Variants in BAIAP2 observed in about 807,000 individuals in gnomAD.
BAIAP2 encodes the protein BAR/IMD domain-containing adapter protein 2.
A neutral mutation model predicts 63.0 loss-of-function variants in BAIAP2; 18 were observed. The observed-to-expected ratio is 0.29, with a 90% CI of 0.20 to 0.42. The LOEUF (loss-of-function observed/expected upper bound fraction) is 0.42. Ranked by LOEUF, BAIAP2 falls within the 10% of genes least tolerant of loss-of-function variation. The probability of loss-of-function intolerance (pLI) is 1.00; values close to 1 mark genes in which losing one functional copy is unlikely to be tolerated. For missense variants in BAIAP2, 610 were observed against 734.3 expected, an observed-to-expected ratio of 0.83 and a Z score of 1.96; for synonymous variants, 386 against 307.6, an observed-to-expected ratio of 1.25 and a Z score of -2.67.
intron 3 of BAIAP2, among the ~76,000 whole-genome samples, chr17:81,077,967 C>T (rs1337392448): frequency 7.5e-5 from 11 of 146,696 alleles, no homozygotes; most frequent in African/African-American, 2.8e-4. Context: ...GGGTGGGAGC[C>T]GGACGCTGTG....
chr17:81,108,527 C>T lies in BAIAP2; in HGVS notation c.1535+18C>T, dbSNP rs770079243. 6 of 1,613,752 alleles carry T rather than the reference C, an allele frequency of 3.7e-6. No individual in the cohort carries two copies. In the African/African-American group the frequency reaches 5.3e-5, roughly 14 times the overall value. ...ATGAGCAGGTAAGGGGACTTTCAGA[C>T]CTGTCTTTGGGACCGTGGGTGGGTG... On this transcript the variant is annotated intron_variant, in intron 13 of 13. Coordinates refer to ENST00000428708, the MANE Select transcript of BAIAP2 (RefSeq NM_001144888.2).
chr17:81,116,501 C>T lies in BAIAP2; in HGVS notation c.*662C>T, dbSNP rs1159849877. 3 of 712,884 alleles carry T rather than the reference C, an allele frequency of 4.2e-6. No individual in the cohort carries two copies. Among genetic ancestry groups the T allele is most frequent in the East Asian group, 2.8e-5 (1 of 36,024 alleles). 44.2% of individuals were successfully genotyped at this position (712,884 alleles called of 1,614,324 possible). On this transcript the variant is annotated 3_prime_UTR_variant, in exon 14 of 14. Transcript: ENST00000428708. The stretch of plus-strand genomic sequence containing the variant: ...TCCTTACCCAACCTCCCATCCAGAA[C>T]CTTGCTGCCAGGGCCTCCCAGCTCG...
intron 6 of BAIAP2, among the ~76,000 whole-genome samples, chr17:81,088,756 G>A (rs773457588): frequency 6.6e-6 from 1 of 152,244 alleles, no homozygotes; most frequent in South Asian, 2.1e-4. Context: ...TGTGGGTACC[G>A]GAGGCTCCAT....
At chr17:81,047,078 C>G (rs1411865331) in intron 1 of BAIAP2, among the ~76,000 whole-genome samples, 1 of 152,264 alleles carries the variant, frequency 6.6e-6, no homozygotes, top group East Asian at 1.9e-4. Context: ...GGCCCCTCCC[C>G]TCAACAGTCA....
chr17:81,075,492 G>A (rs540039537), intron 3 of BAIAP2, among the ~76,000 whole-genome samples: 1 of 152,306 alleles, frequency 6.6e-6, no homozygotes, highest in African/African-American at 2.4e-5. Context: ...CTTGCATGCC[G>A]TGCTGTCTTC....
chr17:81,059,963 G>A (rs1173787511), intron 3 of BAIAP2, among the ~76,000 whole-genome samples: 1 of 152,188 alleles, frequency 6.6e-6, no homozygotes, highest in Non-Finnish European at 1.5e-5. Context: ...AAGGCGCTGA[G>A]CCCACATGGG....
chr17:81,038,897 GGGT>G (rs201150492), intron 1 of BAIAP2, among the ~76,000 whole-genome samples: 8,918 of 148,704 alleles, frequency 0.06, 346 homozygotes, highest in Admixed American at 0.12. Flanking sequence ...TCGCCTTCCT[GGGT>G]GGGGGGGGCA....
At chr17:81,087,382 CGT>C (rs1461118243) in intron 6 of BAIAP2, 2 of 152,186 alleles carry the variant, frequency 1.3e-5, no homozygotes, top group Non-Finnish European at 2.9e-5. Context: ...TGCCCGTGTG[CGT>C]GTGTCTGCGT....
At position 81,059,779 on chromosome 17, in the gene BAIAP2, C is replaced by T. The variant is rs1309477382; in HGVS notation, c.217+1812C>T. 2.6e-5 allele frequency among the ~76,000 whole-genome samples: 4 copies of T among 152,182 alleles called. No individual in the cohort carries two copies. In the East Asian group the frequency reaches 7.7e-4, roughly 29 times the overall value. On this transcript the variant is annotated intron_variant, in intron 3 of 13. Transcript: ENST00000428708. ...AGAGGCATTGTCTTACCATAATTAA[C>T]CAGGTGTTGAGGAGATGAGGTAGAG...
intron 2 of BAIAP2, chr17:81,056,491 C>T (rs2049581940): frequency 2.6e-5 from 4 of 152,250 alleles, no homozygotes; most frequent in Admixed American, 2.6e-4. Context: ...TGGGTTTCTT[C>T]CCCGTCGTCC....
At chr17:81,036,091 A>C (rs1316891719) in intron 1 of BAIAP2, 1 of 152,250 alleles carries the variant, frequency 6.6e-6, no homozygotes, top group Non-Finnish European at 1.5e-5. Flanking sequence ...CACCGCTGGA[A>C]GCCTCCCCTG....
intron 3 of BAIAP2, among the ~76,000 whole-genome samples, chr17:81,077,447 A>G (rs1367002232): frequency 1.3e-5 from 2 of 152,104 alleles, no homozygotes; most frequent in Admixed American, 1.3e-4. Flanking sequence ...GCACATCTGC[A>G]GTCCCAGCTA....
At chr17:81,059,471 A>G (rs1418810485) in intron 3 of BAIAP2, among the ~76,000 whole-genome samples, 1 of 152,172 alleles carries the variant, frequency 6.6e-6, no homozygotes, top group African/African-American at 2.4e-5. Context: ...CATTAGAGAC[A>G]GGGTCTTGCT....
intron 3 of BAIAP2, among the ~76,000 whole-genome samples, chr17:81,070,592 G>T (rs7503569): frequency 6.6e-6 from 1 of 152,160 alleles, no homozygotes; most frequent in African/African-American, 2.4e-5. Flanking sequence ...AGGCCCTGGC[G>T]TGCCTGTCCC....
chr17:81,104,437 C>T (rs1048354445), intron 9 of BAIAP2, 77 bp from the exon 10 acceptor site: 10 of 1,459,912 alleles, frequency 6.8e-6, no homozygotes, highest in South Asian at 1.3e-5. Flanking sequence ...GTGCTCTCAG[C>T]ACCTCAACCA....
chr17:81,049,270 T>G (rs1197170736), intron 1 of BAIAP2, among the ~76,000 whole-genome samples: 3 of 152,186 alleles, frequency 2.0e-5, no homozygotes, highest in Non-Finnish European at 4.4e-5. Context: ...GGGAGCTCTC[T>G]CTGTGCCTGT....
chr17:81,087,538 C>T (rs1228113101), intron 6 of BAIAP2: 1 of 152,286 alleles, frequency 6.6e-6, no homozygotes, highest in Non-Finnish European at 1.5e-5. Flanking sequence ...GCAGGTCTGC[C>T]CACACCCTGC....
chr17:81,074,619 G>T (rs1441081808), intron 3 of BAIAP2, among the ~76,000 whole-genome samples: 1 of 149,242 alleles, frequency 6.7e-6, no homozygotes, highest in African/African-American at 2.5e-5. Context: ...ATGCGTGAGT[G>T]CCTGTGTGCG....
intron 1 of BAIAP2, among the ~76,000 whole-genome samples, chr17:81,041,296 G>T (rs1489426037): frequency 6.6e-6 from 1 of 152,174 alleles, no homozygotes; most frequent in Admixed American, 6.5e-5. Flanking sequence ...GTCCCTGGAG[G>T]CTCTGGGGCC....
Sources: gnomAD v4.1 joint callset for allele counts (sites outside exome capture counted in the v4.1 genomes callset) on GRCh38, gnomAD v4.1.1 for gene constraint, MANE v1.5 for transcripts, NCBI Gene and HGNC (gene_info 2026-07-23, HGNC 2026-07-21) for gene names.